The following KAZN variants were observed in gnomAD, a reference collection of about 807,000 sequenced individuals.
KAZN encodes the protein kazrin.
In KAZN, 40 loss-of-function variants were observed where a neutral mutation model predicts 87.4. The ratio of observed to expected loss-of-function variants is 0.46; its 90% CI spans 0.36 to 0.60. The LOEUF is 0.60. Among genes scored for constraint, KAZN ranks in the 20% least tolerant of loss-of-function variants. KAZN has a pLI of 0.00. For missense variants in KAZN, 898 were observed against 1,073.9 expected (o/e 0.84, Z 2.29); for synonymous variants, 466 against 458.3 (o/e 1.02, Z -0.22).
chr1:14,192,678 G>A (rs1646445184), intron 2 of KAZN, among the ~76,000 whole-genome samples: 2 of 152,144 alleles, frequency 1.3e-5, no homozygotes, highest in African/African-American at 4.8e-5. Context: ...ATTTGAATCA[G>A]TGTTTTCAGA....
chr1:14,774,910 G>A (rs549334594), intron 1 of KAZN, among the ~76,000 whole-genome samples: 10 of 152,172 alleles, frequency 6.6e-5, no homozygotes, highest in East Asian at 3.9e-4. Context: ...CTTCTCCTTC[G>A]TTCACCTTAC....
intron 2 of KAZN, among the ~76,000 whole-genome samples, chr1:14,976,408 C>T (rs538850126): frequency 3.3e-5 from 5 of 152,306 alleles, no homozygotes; most frequent in East Asian, 3.9e-4. Flanking sequence ...AGTGCTCACC[C>T]GGCAGCACAG....
intron 2 of KAZN, among the ~76,000 whole-genome samples, chr1:14,367,882 ACTTTT>A (rs1392450864): frequency 6.6e-6 from 1 of 152,110 alleles, no homozygotes; most frequent in Non-Finnish European, 1.5e-5. Flanking sequence ...ATCCTTGGAG[ACTTTT>A]CAGTTTGATT....
chr1:14,909,860 G>C (rs116442339), intron 1 of KAZN, among the ~76,000 whole-genome samples: 3,614 of 152,118 alleles, frequency 0.024, 131 homozygotes, highest in African/African-American at 0.07. Flanking sequence ...CGAGATCAGC[G>C]TGGGCAACAT....
intron 2 of KAZN, among the ~76,000 whole-genome samples, chr1:14,211,101 T>C (rs1476514230): frequency 6.6e-6 from 1 of 152,244 alleles, no homozygotes; most frequent in Non-Finnish European, 1.5e-5. Flanking sequence ...TATGGTGTTC[T>C]ATTCTAAGTG....
At chr1:14,271,880 G>A (rs1651969334) in intron 2 of KAZN, among the ~76,000 whole-genome samples, 3 of 152,152 alleles carry the variant, frequency 2.0e-5, no homozygotes, top group South Asian at 4.1e-4. Flanking sequence ...AAGTACTAAG[G>A]CAGAGGAATT....
At chr1:14,605,058 C>A (rs576140987) in intron 1 of KAZN, among the ~76,000 whole-genome samples, 1 of 152,206 alleles carries the variant, frequency 6.6e-6, no homozygotes, top group African/African-American at 2.4e-5. Flanking sequence ...CAGAGCGCCC[C>A]TTTTAAAGAA....
At chr1:14,211,194 A>G (rs1027009561) in intron 2 of KAZN, among the ~76,000 whole-genome samples, 2 of 152,162 alleles carry the variant, frequency 1.3e-5, no homozygotes, top group African/African-American at 2.4e-5. Flanking sequence ...TTTGTCCACA[A>G]TTCAAACCTA....
chr1:15,073,605 G>A (rs574436837), intron 8 of KAZN, among the ~76,000 whole-genome samples: 3 of 152,224 alleles, frequency 2.0e-5, no homozygotes, highest in South Asian at 2.1e-4. Context: ...AGTATCTGAC[G>A]CCCCAGGCCA....
intron 1 of KAZN, among the ~76,000 whole-genome samples, chr1:14,028,116 A>T (rs1412048746): frequency 6.6e-6 from 1 of 152,146 alleles, no homozygotes; most frequent in Non-Finnish European, 1.5e-5. Flanking sequence ...CTGTCCCCCC[A>T]AACTCTGCAC....
chr1:14,870,083 C>T (rs1485703825), intron 1 of KAZN, among the ~76,000 whole-genome samples: 1 of 152,102 alleles, frequency 6.6e-6, no homozygotes, highest in East Asian at 1.9e-4. Flanking sequence ...GTGGAAAATC[C>T]CAGTATCTGT....
intron 8 of KAZN, among the ~76,000 whole-genome samples, chr1:15,092,060 G>GTTTTTTTTTTTTTGTTTTTTTTTT (rs57460680): frequency 3.8e-4 from 44 of 114,314 alleles, no homozygotes; most frequent in East Asian, 1.0e-3. Flanking sequence ...TTGTTTTTTT[G>GTTTTTTTTTTTTTGTTTTTTTTTT]TTTTTTTTTT....
chr1:14,553,605 G>T (rs1290156347), intron 2 of KAZN, among the ~76,000 whole-genome samples: 1 of 152,204 alleles, frequency 6.6e-6, no homozygotes, highest in East Asian at 1.9e-4. Context: ...CATGCGGCTA[G>T]TGAAGGTGCC....
intron 1 of KAZN, among the ~76,000 whole-genome samples, chr1:14,166,188 G>A (rs1471432068): frequency 2.6e-5 from 4 of 152,112 alleles, no homozygotes; most frequent in Non-Finnish European, 5.9e-5. Flanking sequence ...GGTGGCGTGC[G>A]CCTGTAATCC....
intron 1 of KAZN, among the ~76,000 whole-genome samples, chr1:14,082,601 G>A (rs3817941): frequency 0.1 from 15,160 of 152,252 alleles, 930 homozygotes; most frequent in East Asian, 0.13. Context: ...TAGACCGAGT[G>A]CTGCAGCATC....
chr1:14,967,489 C>T (rs1664588275), intron 2 of KAZN, among the ~76,000 whole-genome samples: 1 of 152,198 alleles, frequency 6.6e-6, no homozygotes, highest in Non-Finnish European at 1.5e-5. Context: ...ATGTCCCCAG[C>T]CTAATTCCTG....
intron 1 of KAZN, among the ~76,000 whole-genome samples, chr1:13,978,724 G>A (rs145469781): frequency 3.3e-4 from 50 of 152,170 alleles, no homozygotes; most frequent in African/African-American, 1.2e-3. Context: ...GTTGAAAAGA[G>A]CTTAAGAGAC....
intron 1 of KAZN, among the ~76,000 whole-genome samples, chr1:13,916,803 T>A (rs922594195): frequency 2.0e-5 from 3 of 151,980 alleles, no homozygotes; most frequent in African/African-American, 7.3e-5. Flanking sequence ...AAGCCTCCTG[T>A]GGCTGGAGGC....
chr1:14,880,982 T>C (rs1271345491), intron 1 of KAZN, among the ~76,000 whole-genome samples: 3 of 152,284 alleles, frequency 2.0e-5, no homozygotes, highest in South Asian at 4.2e-4. Context: ...CCAGTTAACA[T>C]GGGGAAAACA....
Sources: allele counts gnomAD v4.1 joint callset (sites outside exome capture counted in the v4.1 genomes callset), GRCh38; gene constraint gnomAD v4.1.1; transcripts MANE v1.5; gene names NCBI Gene and HGNC (gene_info 2026-07-23, HGNC 2026-07-21).